The following NOP9 variants were observed in gnomAD, a reference collection of about 807,000 sequenced individuals.
NOP9 encodes the protein NOP9 nucleolar protein, also known as nucleolar protein 9.
NOP9 carries 50 observed loss-of-function variants against 63.0 expected under a neutral mutation model. That is an observed-to-expected ratio of 0.79 (90% confidence interval 0.63 to 1.00). NOP9 has a LOEUF of 1.00. Among genes scored for constraint, NOP9 ranks in the 50% least tolerant of loss-of-function variants. NOP9 has a pLI of 0.00. For synonymous variants in NOP9, 343 were observed against 332.8 expected, an observed-to-expected ratio of 1.03 and a Z score of -0.33; for missense variants, 758 against 803.0, an observed-to-expected ratio of 0.94 and a Z score of 0.68.
At chr14:24,291,826 C>A in the NOP9 span, 1 of 629,476 alleles carries the variant, frequency 1.6e-6, no homozygotes, top group Non-Finnish European at 2.8e-6. Context: ...TGTGCCCTGG[C>A]ACCAGGATCT....
chr14:24,303,085 G>A lies in NOP9; in HGVS notation c.1155G>A (p.Val385=). 1 of 1,546,674 alleles carries A rather than the reference G, an allele frequency of 6.5e-7. No homozygotes were observed. ...AVTTPELLSP[V]FEELSPVLEA... is the part of the protein sequence containing the mutation. ...ATGTTTCCCATCAGCTGTCCCCTGT[G>A]TTTGAGGAGCTGAGCCCTGTCTTGG... The change falls in exon 6 of 10, where the codon GTG becomes GTA. Residue 385 remains valine, a synonymous_variant. Coordinates refer to ENST00000267425, the MANE Select transcript of NOP9 (RefSeq NM_174913.3).
At chr14:24,298,619 C>T (rs532556388), upstream of NOP9, 50 of 201,892 alleles carry the variant, frequency 2.5e-4, 1 homozygote, top group South Asian at 5.8e-3. Flanking sequence ...TACAGTGTCT[C>T]GCTGTGTCGT....
At position 24,306,507 on chromosome 14, in the gene NOP9, A is replaced by G. The variant is rs1369694214; in HGVS notation, c.*1412A>G. ...CACCAGGGTTAGCACTCCATTCAGC[A>G]GTAGGGTCTCCAATGCCTGCCCAAT... On this transcript the variant is annotated 3_prime_UTR_variant, in exon 10 of 10. Coordinates refer to ENST00000267425, the MANE Select transcript of NOP9 (RefSeq NM_174913.3). 10 of 1,614,242 alleles carry G rather than the reference A, an allele frequency of 6.2e-6. No homozygotes were observed. Among genetic ancestry groups the G allele is most frequent in the Non-Finnish European group, 8.5e-6 (10 of 1,180,040 alleles).
chr14:24,303,181 C>A lies in NOP9; in HGVS notation c.1251C>A (p.Ala417=). ...ALVGACRRVG[A]YQAKVLQLLL... is the part of the protein sequence containing the mutation. ...TGGGGGCCTGTCGCAGAGTTGGGGC[C>A]TACCAAGCCAAGGTCCTACAGCTCT... Residue 417 remains alanine (A), a synonymous_variant, in exon 6 of 10, where the codon GCC becomes GCA. Transcript: ENST00000267425. 1 of 1,614,046 alleles carries A rather than the reference C, an allele frequency of 6.2e-7. No homozygotes were observed. The highest frequency in any genetic ancestry group is 8.5e-7 in the Non-Finnish European group (1 of 1,179,996).
At chr14:24,291,970 A>G in the NOP9 span, 1 of 653,998 alleles carries the variant, frequency 1.5e-6, no homozygotes, top group Non-Finnish European at 2.6e-6. Flanking sequence ...GTGACCTTCA[A>G]CAAGTTTCTA....
At chr14:24,278,992 C>T in the NOP9 span, among the ~76,000 whole-genome samples, 1 of 152,210 alleles carries the variant, frequency 6.6e-6, no homozygotes. Flanking sequence ...CGAATTGATT[C>T]TGCATATCTT....
the NOP9 span, chr14:24,292,204 G>A: frequency 1.1e-5 from 17 of 1,613,998 alleles, no homozygotes; most frequent in Non-Finnish European, 1.4e-5. Context: ...ACAGGATCCT[G>A]CAGGACCTCC....
chr14:24,296,748 G>A, upstream of NOP9: 1 of 1,614,214 alleles, frequency 6.2e-7, no homozygotes, highest in Non-Finnish European at 8.5e-7. Context: ...CTGGACCCCT[G>A]CATAAGCATT....
At chr14:24,292,819 G>C in the NOP9 span, 1 of 1,593,656 alleles carries the variant, frequency 6.3e-7, no homozygotes, top group Non-Finnish European at 8.5e-7. Flanking sequence ...GGAATGAACC[G>C]TGTTAGTGCT....
chr14:24,299,286 CG>C, upstream of NOP9: 1 of 660,456 alleles, frequency 1.5e-6, no homozygotes, highest in East Asian at 2.9e-5. Context: ...CAACTGGGTG[CG>C]GGCCTGAGGA....
chr14:24,303,814 A>C lies in NOP9; in HGVS notation c.1367A>C (p.Tyr456Ser), dbSNP rs772527305. Residue 456 changes from tyrosine (Y) to serine (S), a missense_variant, in exon 7 of 10, where the codon TAT becomes TCT. By Grantham distance (144) the Tyr-to-Ser change is moderately radical. Coordinates refer to ENST00000267425, the MANE Select transcript of NOP9 (RefSeq NM_174913.3). ...FATLMAYEVY[Y>S]GLTEEEGAVP... ...ACTTTGATGGCTTATGAGGTGTACTATGGACTGACGGAGGAGGAGGGGGCA... is the reference window on the plus strand; with the variant it reads ...ACTTTGATGGCTTATGAGGTGTACTCTGGACTGACGGAGGAGGAGGGGGCA... The C allele has an allele frequency of 6.2e-7, 1 of 1,614,174 alleles. No individual in the cohort carries two copies. Among genetic ancestry groups the C allele is most frequent in the Non-Finnish European group, 8.5e-7 (1 of 1,180,018 alleles).
Position 24,305,154 on chromosome 14 carries a change from T to A in NOP9, c.*59T>A. On this transcript the variant is annotated 3_prime_UTR_variant, in exon 10 of 10. Transcript: ENST00000267425. ...AGGGCAAAATGGGGTATCCACCCCATCCCTTTCCTGGTTTAAATTGGAGTC... is the reference window on the plus strand; with the variant it reads ...AGGGCAAAATGGGGTATCCACCCCAACCCTTTCCTGGTTTAAATTGGAGTC... The A allele has an allele frequency of 7.3e-7, 1 of 1,361,268 alleles. No homozygotes were observed. The highest frequency in any genetic ancestry group is 9.6e-7 in the Non-Finnish European group (1 of 1,040,686). 84.3% of individuals were successfully genotyped at this position (1,361,268 alleles called of 1,614,324 possible).
rs777247726 is a variant in NOP9, at chr14:24,307,564, A to T, written c.*2469A>T. 7 of 1,578,444 alleles carry T rather than the reference A, an allele frequency of 4.4e-6. No homozygotes were observed. The Admixed American group carries it at 8.6e-5, about 19-fold the overall frequency. The stretch of plus-strand genomic sequence containing the variant: ...AGAAGGGGCGAGGAGGGGCTTGGTG[A>T]GTGTAAAGGGCATGATGAGGGTAGA... On this transcript the variant is annotated 3_prime_UTR_variant, in exon 10 of 10. Coordinates refer to ENST00000267425, the MANE Select transcript of NOP9 (RefSeq NM_174913.3).
the NOP9 span, among the ~76,000 whole-genome samples, chr14:24,277,776 G>A: frequency 6.6e-6 from 1 of 152,212 alleles, no homozygotes; most frequent in African/African-American, 2.4e-5. Flanking sequence ...GGTGGAAGGA[G>A]GCATCCAGAG....
At chr14:24,301,558 C>A (rs904593259) in intron 2 of NOP9, 54 bp from the exon 3 acceptor site, 1 of 1,603,900 alleles carries the variant, frequency 6.2e-7, no homozygotes, top group African/African-American at 1.3e-5. Flanking sequence ...ATTTTTCTCT[C>A]CTGGATGGCA....
chr14:24,305,448 A>C lies in NOP9; in HGVS notation c.*353A>C. 2.9e-6 allele frequency: 2 copies of C among 690,120 alleles called. No individual in the cohort carries two copies. The highest frequency in any genetic ancestry group is 4.6e-6 in the Non-Finnish European group (2 of 433,768). The allele number at this position is 690,120 out of a possible 1,614,324, so 42.7% of individuals were successfully genotyped here. A position where few individuals can be genotyped will look rare whatever the true frequency, so the allele number is the denominator to read the frequency against. On this transcript the variant is annotated 3_prime_UTR_variant, in exon 10 of 10. Coordinates refer to ENST00000267425, the MANE Select transcript of NOP9 (RefSeq NM_174913.3). ...TAGGAAAGAACAGCATTCTTCAGGT[A>C]AGGGTATAGACTTGGGATGTGAGGC...
the NOP9 span, among the ~76,000 whole-genome samples, chr14:24,278,767 A>G: frequency 6.6e-6 from 1 of 152,208 alleles, no homozygotes; most frequent in Non-Finnish European, 1.5e-5. Context: ...ACCCAGAACA[A>G]TGGGGCTCAT....
At chr14:24,285,897 G>A in the NOP9 span, among the ~76,000 whole-genome samples, 3 of 152,058 alleles carry the variant, frequency 2.0e-5, no homozygotes, top group Non-Finnish European at 1.5e-5. Context: ...GCTGAGGCAT[G>A]AGAATTGCTT....
upstream of NOP9, chr14:24,296,976 C>CA (rs369098424): frequency 3.4e-5 from 53 of 1,550,288 alleles, no homozygotes; most frequent in Middle Eastern, 1.9e-4. Context: ...ACTGAGAAGA[C>CA]AATCAATCCT....
Sources: allele counts gnomAD v4.1 joint callset (sites outside exome capture counted in the v4.1 genomes callset), GRCh38; gene constraint gnomAD v4.1.1; transcripts MANE v1.5; gene names NCBI Gene and HGNC (gene_info 2026-07-23, HGNC 2026-07-21).